The following RANBP2 variants were observed in gnomAD, a reference collection of about 807,000 sequenced individuals.
RANBP2 encodes RAN binding protein 2.
In RANBP2, 57 loss-of-function variants were observed where a neutral mutation model predicts 303.6. The observed-to-expected ratio is 0.19, with a 90% CI of 0.15 to 0.23. The LOEUF is 0.23. RANBP2 is among the 10% of genes least tolerant of loss of function. The probability of loss-of-function intolerance (pLI) is 1.00; values close to 1 mark genes in which losing one functional copy is unlikely to be tolerated. For synonymous variants in RANBP2, 1,167 were observed against 1,301.5 expected, an observed-to-expected ratio of 0.90 and a Z score of 2.23; for missense variants, 3,138 against 3,780.8, an observed-to-expected ratio of 0.83 and a Z score of 4.46.
the RANBP2 span, chr2:108,856,793 G>C: frequency 6.2e-7 from 1 of 1,612,110 alleles, no homozygotes; most frequent in Non-Finnish European, 8.5e-7. Context: ...CTATTTTCCA[G>C]CTGATTACCT....
chr2:109,794,584 G>GGGC, the RANBP2 span: 95 of 854,896 alleles, frequency 1.1e-4, 1 homozygote, highest in African/African-American at 4.0e-4. Context: ...CCCGGCCGGG[G>GGGC]GGCGGCGGCG....
chr2:109,031,299 A>C, the RANBP2 span, among the ~76,000 whole-genome samples: 27 of 152,214 alleles, frequency 1.8e-4, no homozygotes, highest in Non-Finnish European at 2.4e-4. Flanking sequence ...GACTCAGCAC[A>C]GATGGGGGCT....
At chr2:109,244,563 G>A in the RANBP2 span, among the ~76,000 whole-genome samples, 1 of 152,166 alleles carries the variant, frequency 6.6e-6, no homozygotes, top group South Asian at 2.1e-4. Flanking sequence ...GATGAGAGCT[G>A]TTCCACCTAA....
chr2:109,678,499 C>T, the RANBP2 span, among the ~76,000 whole-genome samples: 1 of 152,214 alleles, frequency 6.6e-6, no homozygotes, highest in Admixed American at 6.5e-5. Flanking sequence ...CAGAGTTGCT[C>T]TCTCAATGTG....
intron 1 of RANBP2, among the ~76,000 whole-genome samples, chr2:108,724,548 T>G (rs1260807675): frequency 6.6e-6 from 1 of 152,202 alleles, no homozygotes; most frequent in Non-Finnish European, 1.5e-5. Flanking sequence ...TCTTGGTAAC[T>G]TAAAGGTTTT....
chr2:108,993,689 T>C, the RANBP2 span, among the ~76,000 whole-genome samples: 1 of 152,150 alleles, frequency 6.6e-6, no homozygotes, highest in Admixed American at 6.5e-5. Flanking sequence ...TTTGCGTTGA[T>C]TGTACCCTAT....
the RANBP2 span, among the ~76,000 whole-genome samples, chr2:109,412,750 T>C: frequency 6.6e-6 from 1 of 152,268 alleles, no homozygotes. Flanking sequence ...TCACTTGATA[T>C]TAAAGTGTAG....
chr2:109,258,196 A>G, the RANBP2 span, among the ~76,000 whole-genome samples: 1 of 152,184 alleles, frequency 6.6e-6, no homozygotes, highest in Admixed American at 6.5e-5. Context: ...ACTTACCTTA[A>G]TAATGCCTAG....
At chr2:109,027,583 A>T in the RANBP2 span, among the ~76,000 whole-genome samples, 4 of 152,170 alleles carry the variant, frequency 2.6e-5, no homozygotes, top group African/African-American at 9.7e-5. Context: ...CCTGGGCCTC[A>T]GCTCCCCTCC....
At chr2:109,663,966 A>G in the RANBP2 span, among the ~76,000 whole-genome samples, 2 of 152,212 alleles carry the variant, frequency 1.3e-5, no homozygotes, top group Non-Finnish European at 2.9e-5. Context: ...GGCTTCAGAC[A>G]CATGGACTCA....
chr2:109,407,829 C>T, the RANBP2 span, among the ~76,000 whole-genome samples: 4 of 152,210 alleles, frequency 2.6e-5, no homozygotes, highest in African/African-American at 9.6e-5. Flanking sequence ...CCATGACTTA[C>T]CAATCCTGGC....
At chr2:108,753,763 G>T in intron 14 of RANBP2, 62 bp from the exon 15 acceptor site, 1 of 1,611,296 alleles carries the variant, frequency 6.2e-7, no homozygotes, top group Non-Finnish European at 8.5e-7. Flanking sequence ...ACCATGCGTG[G>T]CCAAGCTAAA....
At chr2:109,027,252 A>C in the RANBP2 span, among the ~76,000 whole-genome samples, 2,195 of 150,998 alleles carry the variant, frequency 0.015, 48 homozygotes, top group African/African-American at 0.049. Context: ...CAAAAAAAAA[A>C]AAAAAAAAAA....
chr2:108,798,474 G>A, the RANBP2 span: 25 of 1,613,738 alleles, frequency 1.5e-5, no homozygotes, highest in East Asian at 2.2e-5. Flanking sequence ...CTTCAAAAGC[G>A]AGAACGTTTT....
chr2:109,406,127 C>G, the RANBP2 span, among the ~76,000 whole-genome samples: 1 of 152,140 alleles, frequency 6.6e-6, no homozygotes, highest in Non-Finnish European at 1.5e-5. Flanking sequence ...AGGGATTCTT[C>G]CTCTGCGACT....
the RANBP2 span, among the ~76,000 whole-genome samples, chr2:108,838,603 T>C: frequency 1.3e-5 from 2 of 152,166 alleles, no homozygotes; most frequent in Admixed American, 6.6e-5. Flanking sequence ...AATGATATAC[T>C]TTTGAAGCAA....
the RANBP2 span, among the ~76,000 whole-genome samples, chr2:109,089,495 A>C: frequency 6.6e-6 from 1 of 152,088 alleles, no homozygotes; most frequent in African/African-American, 2.4e-5. Flanking sequence ...GGTCTCAGCT[A>C]CTTGGGAGGC....
At chr2:109,082,529 G>C in the RANBP2 span, among the ~76,000 whole-genome samples, 6 of 152,022 alleles carry the variant, frequency 3.9e-5, no homozygotes, top group African/African-American at 1.5e-4. Context: ...TCGATCTCCT[G>C]ACCTCGTGAT....
the RANBP2 span, among the ~76,000 whole-genome samples, chr2:109,584,194 AG>A: frequency 6.6e-6 from 1 of 152,180 alleles, no homozygotes; most frequent in African/African-American, 2.4e-5. Flanking sequence ...AATGGAAATA[AG>A]ACTGGGCGCA....
Sources: gnomAD v4.1 joint callset for allele counts (sites outside exome capture counted in the v4.1 genomes callset) on GRCh38, gnomAD v4.1.1 for gene constraint, MANE v1.5 for transcripts, NCBI Gene and HGNC (gene_info 2026-07-23, HGNC 2026-07-21) for gene names.